Variants in PTPRO observed in about 807,000 individuals in gnomAD.
The protein encoded by PTPRO is protein tyrosine phosphatase receptor type O.
A neutral mutation model predicts 145.2 loss-of-function variants in PTPRO; 62 were observed. The ratio of observed to expected loss-of-function variants is 0.43; its 90% CI spans 0.35 to 0.53. PTPRO has a LOEUF of 0.53. Ranked by LOEUF, PTPRO falls within the 20% of genes least tolerant of loss-of-function variation. PTPRO has a pLI of 0.01. For missense variants in PTPRO, 1,345 were observed against 1,482.7 expected, an observed-to-expected ratio of 0.91 and a Z score of 1.53; for synonymous variants, 565 against 514.7, an observed-to-expected ratio of 1.10 and a Z score of -1.32.
intron 4 of PTPRO, among the ~76,000 whole-genome samples, chr12:15,500,092 T>TGGAC: frequency 6.6e-6 from 1 of 151,714 alleles, no homozygotes; most frequent in African/African-American, 2.4e-5. Context: ...GGTGGATGGA[T>TGGAC]GGATGGATGG....
chr12:15,490,806 T>G (rs376454403), intron 2 of PTPRO, among the ~76,000 whole-genome samples: 1 of 152,080 alleles, frequency 6.6e-6, no homozygotes, highest in Admixed American at 6.6e-5. Flanking sequence ...TGAGACAGAT[T>G]GGGCAGGGAA....
At chr12:15,533,033 T>A (rs1942993316) in intron 12 of PTPRO, among the ~76,000 whole-genome samples, 1 of 152,184 alleles carries the variant, frequency 6.6e-6, no homozygotes, top group Non-Finnish European at 1.5e-5. Flanking sequence ...CTATGTGACA[T>A]CATGGTCGAA....
chr12:15,341,188 A>G (rs1303211878), intron 1 of PTPRO, among the ~76,000 whole-genome samples: 1 of 152,214 alleles, frequency 6.6e-6, no homozygotes, highest in Non-Finnish European at 1.5e-5. Flanking sequence ...TTAACTCTTA[A>G]TACACAATTA....
In PTPRO at chr12:15,598,120, A is replaced by G. The variant is rs1193647286; in HGVS notation, c.*2047A>G. ...CAAATAGTGCCAGATCAATTTTCCC[A>G]AAAGGAAAGAGGAAGTATCCAGAGT... On this transcript the variant is annotated 3_prime_UTR_variant, in exon 27 of 27. Coordinates refer to ENST00000281171, the MANE Select transcript of PTPRO (RefSeq NM_030667.3). Among the ~76,000 whole-genome samples, 1 of 152,184 alleles carries G rather than the reference A, an allele frequency of 6.6e-6. No homozygotes were observed. The highest frequency in any genetic ancestry group is 1.5e-5 in the Non-Finnish European group (1 of 68,026).
At chr12:15,334,306 G>A (rs1005629841) in intron 1 of PTPRO, among the ~76,000 whole-genome samples, 10 of 151,978 alleles carry the variant, frequency 6.6e-5, no homozygotes, top group East Asian at 1.9e-4. Flanking sequence ...ATTCCATTAC[G>A]TAACTTCTTA....
chr12:15,422,033 AG>A (rs1391303059), intron 1 of PTPRO, among the ~76,000 whole-genome samples: 1 of 152,182 alleles, frequency 6.6e-6, no homozygotes, highest in Non-Finnish European at 1.5e-5. Flanking sequence ...GCCCATTTAA[AG>A]AAAAAAAAAA....
intron 19 of PTPRO, among the ~76,000 whole-genome samples, chr12:15,577,875 G>C (rs1011848727): frequency 6.6e-6 from 1 of 152,258 alleles, no homozygotes; most frequent in East Asian, 1.9e-4. Flanking sequence ...TGGCCTGACC[G>C]TAATCCCCGT....
rs530993520 is a variant in PTPRO, at chr12:15,575,527, C to A, written c.2830-3326C>A. On this transcript the variant is annotated intron_variant, in intron 19 of 26. Transcript: ENST00000281171. ...AATCTCTACTGTTTAAACTATCACT[C>A]TATGGTGTTTTGTTATGGCAGCCCA... is the stretch of plus-strand genomic sequence containing the variant. Among the ~76,000 whole-genome samples the A allele has an allele frequency of 1.1e-3, 169 of 152,336 alleles. 1 individual carries two copies. Among genetic ancestry groups the A allele is most frequent in the African/African-American group, 4.0e-3 (167 of 41,574 alleles).
chr12:15,534,649 G>A (rs1393003880), intron 12 of PTPRO, among the ~76,000 whole-genome samples: 1 of 152,196 alleles, frequency 6.6e-6, no homozygotes, highest in African/African-American at 2.4e-5. Flanking sequence ...CCACAAAAAG[G>A]CCAAGAAGGA....
intron 1 of PTPRO, chr12:15,440,090 T>A (rs1355165237): frequency 7.9e-6 from 5 of 632,764 alleles, no homozygotes; most frequent in Non-Finnish European, 1.4e-5. Flanking sequence ...CCGCTGCAGC[T>A]CTGTGCTGGT....
intron 18 of PTPRO, among the ~76,000 whole-genome samples, chr12:15,567,329 C>T (rs188436218): frequency 1.3e-5 from 2 of 152,204 alleles, no homozygotes; most frequent in East Asian, 3.9e-4. Context: ...CCCCCTGGTT[C>T]CCATTTTCTA....
chr12:15,425,870 A>G (rs1202970642), intron 1 of PTPRO, among the ~76,000 whole-genome samples: 1 of 152,014 alleles, frequency 6.6e-6, no homozygotes, highest in East Asian at 1.9e-4. Flanking sequence ...TTTAAAATAT[A>G]CTTGTCACTG....
At chr12:15,572,841 T>C (rs1944087892) in intron 19 of PTPRO, among the ~76,000 whole-genome samples, 1 of 152,064 alleles carries the variant, frequency 6.6e-6, no homozygotes, top group Non-Finnish European at 1.5e-5. Context: ...TGAAAATGTG[T>C]GGGAGTGTTT....
intron 19 of PTPRO, among the ~76,000 whole-genome samples, chr12:15,575,595 G>C (rs549195931): frequency 6.6e-6 from 1 of 152,292 alleles, no homozygotes; most frequent in African/African-American, 2.4e-5. Context: ...TGCTTTCCAA[G>C]ACCTGTATGC....
intron 17 of PTPRO, among the ~76,000 whole-genome samples, chr12:15,562,677 G>A (rs1244314083): frequency 6.6e-6 from 1 of 151,668 alleles, no homozygotes; most frequent in Non-Finnish European, 1.5e-5. Flanking sequence ...GAACTTAAGA[G>A]TATGTTTCCT....
intron 18 of PTPRO, among the ~76,000 whole-genome samples, chr12:15,567,823 T>C (rs905666576): frequency 3.9e-5 from 6 of 152,254 alleles, no homozygotes; most frequent in Admixed American, 3.9e-4. Context: ...TTAGTAGACA[T>C]GTGATGTTGG....
At position 15,571,048 on chromosome 12, in the gene PTPRO, A is replaced by G. The variant is rs540542131; in HGVS notation, c.2829+1550A>G. 1.7e-3 allele frequency among the ~76,000 whole-genome samples: 264 copies of G among 152,332 alleles called. 1 individual carries two copies. Among genetic ancestry groups the G allele is most frequent in the Non-Finnish European group, 2.0e-3 (134 of 68,024 alleles). On this transcript the variant is annotated intron_variant, in intron 19 of 26. Transcript: ENST00000281171. The stretch of plus-strand genomic sequence containing the variant: ...AGGAAAGGGGGTTTATTCAAAGGAT[A>G]CTAAGGTATCTCATACAATCAAAGA...
chr12:15,586,970 C>G lies in PTPRO; in HGVS notation c.3329C>G (p.Ala1110Gly). The change falls in exon 24 of 27, where the codon GCT becomes GGT. Residue 1110 changes from alanine (A) to glycine (G), a missense_variant. This residue lies in a region of PTPRO where 208 missense variants were observed against 242.8 expected (regional missense o/e 0.86). Coordinates refer to ENST00000281171, the MANE Select transcript of PTPRO (RefSeq NM_030667.3). The stretch of plus-strand genomic sequence containing the variant: ...GATCATGGTGTGCCCACAGCAAATG[C>G]TGCAGAAAGTATCCTGCAGTTTGTA... ...WPDHGVPTAN[A>G]AESILQFVHM... 6.2e-7 allele frequency: 1 copy of G among 1,614,092 alleles called. No individual in the cohort carries two copies. The highest frequency in any genetic ancestry group is 8.5e-7 in the Non-Finnish European group (1 of 1,179,990).
At position 15,578,826 on chromosome 12, in the gene PTPRO, C is replaced by T. The variant is rs546372521; in HGVS notation, c.2830-27C>T. 2.6e-6 allele frequency: 4 copies of T among 1,517,106 alleles called. No homozygotes were observed. In the South Asian group the frequency reaches 4.5e-5, roughly 17 times the overall value. The allele number at this position is 1,517,106 out of a possible 1,614,324, so 94.0% of individuals were successfully genotyped here. A position where few individuals can be genotyped will look rare whatever the true frequency, so the allele number is the denominator to read the frequency against. On this transcript the variant is annotated intron_variant, in intron 19 of 26. Coordinates refer to ENST00000281171, the MANE Select transcript of PTPRO (RefSeq NM_030667.3). ...TCCAATTCACACCACGTATGGAACT[C>T]TCAAATCCATTCTCTGTCCTTTACA...
Sources: allele counts gnomAD v4.1 joint callset (sites outside exome capture counted in the v4.1 genomes callset), GRCh38; gene constraint gnomAD v4.1.1; regional missense constraint gnomAD v4.1.1; transcripts MANE v1.5; gene names NCBI Gene and HGNC (gene_info 2026-07-23, HGNC 2026-07-21).